Variants in KCNJ5 observed in about 807,000 individuals in gnomAD.
The protein encoded by KCNJ5 is G protein-activated inward rectifier potassium channel 4.
KCNJ5 carries 12 observed loss-of-function variants against 20.2 expected under a neutral mutation model. The observed-to-expected ratio is 0.59, with a 90% CI of 0.38 to 0.96. The LOEUF is 0.96. KCNJ5 is among the 40% of genes least tolerant of loss of function. The pLI is 0.00. For missense variants in KCNJ5, 449 were observed against 557.6 expected (o/e 0.81, Z 1.96); for synonymous variants, 210 against 213.9 (o/e 0.98, Z 0.16).
chr11:128,911,203 A>G lies in KCNJ5; in HGVS notation c.-10-61A>G. ...AGCCCCGGGGTGGGGGTGGCCTTCCATCTTGTGTTCTAGTGAATCAGAACA... is the reference window on the plus strand; with the variant it reads ...AGCCCCGGGGTGGGGGTGGCCTTCCGTCTTGTGTTCTAGTGAATCAGAACA... On this transcript the variant is annotated intron_variant, in intron 1 of 2. Coordinates refer to ENST00000529694, the MANE Select transcript of KCNJ5 (RefSeq NM_000890.5). This position sits in a 1 kb window ranked among gnomAD's most constrained non-coding sequence, Gnocchi z 6.3. The G allele has an allele frequency of 3.5e-6, 5 of 1,414,370 alleles. No individual in the cohort carries two copies. The highest frequency in any genetic ancestry group is 2.3e-5 in the East Asian group (1 of 43,404). The allele number at this position is 1,414,370 out of a possible 1,614,324, so 87.6% of individuals were successfully genotyped here.
At chr11:128,896,116 T>C (rs1193285124) in intron 1 of KCNJ5, among the ~76,000 whole-genome samples, 14 of 152,198 alleles carry the variant, frequency 9.2e-5, no homozygotes. Flanking sequence ...TTCCCCTCCA[T>C]TTTTGTCTTT....
intron 1 of KCNJ5, among the ~76,000 whole-genome samples, chr11:128,892,902 G>C (rs1850561748): frequency 6.6e-6 from 1 of 152,194 alleles, no homozygotes; most frequent in South Asian, 2.1e-4. Flanking sequence ...ATGAGAGTAA[G>C]GGTAACAGAA....
chr11:128,893,111 C>T (rs538878281), intron 1 of KCNJ5, among the ~76,000 whole-genome samples: 81 of 152,288 alleles, frequency 5.3e-4, no homozygotes, highest in Admixed American at 5.0e-3. Context: ...ATCTGAGGAA[C>T]GAACAGGGCA....
At chr11:128,898,175 T>C (rs1175137121) in intron 1 of KCNJ5, among the ~76,000 whole-genome samples, 7 of 152,254 alleles carry the variant, frequency 4.6e-5, no homozygotes, top group African/African-American at 1.4e-4. Context: ...AATAATTTTA[T>C]CTATATCTAT....
At chr11:128,898,597 A>T (rs1944213149) in intron 1 of KCNJ5, among the ~76,000 whole-genome samples, 1 of 152,294 alleles carries the variant, frequency 6.6e-6, no homozygotes, top group Admixed American at 6.5e-5. Context: ...ACATCCACTT[A>T]CACTTCACTT....
intron 2 of KCNJ5, 101 bp downstream of exon 2, chr11:128,912,311 G>A: frequency 2.1e-6 from 2 of 950,014 alleles, no homozygotes; most frequent in Admixed American, 3.4e-5. Context: ...TGAGAGTCCT[G>A]GGGTGGCGCA....
Position 128,912,442 on chromosome 11 carries a change from C to T in KCNJ5, c.937+232C>T, listed in dbSNP as rs188341229. On this transcript the variant is annotated intron_variant, in intron 2 of 2. Coordinates refer to ENST00000529694, the MANE Select transcript of KCNJ5 (RefSeq NM_000890.5). ...TTCAGGCACTGTCCTAAACAATAAA[C>T]ATCTATCATCTGGCCAAATGTCCTC... Among the ~76,000 whole-genome samples, 292 of 152,340 alleles carry T rather than the reference C, an allele frequency of 1.9e-3. 1 individual carries two copies. Among genetic ancestry groups the T allele is most frequent in the African/African-American group, 6.7e-3 (279 of 41,590 alleles).
rs1944591718 is a variant in KCNJ5, at chr11:128,916,809, G to A, written c.*78G>A. ...CTGCAGAGCCTGGGAGCAGGGGAGG[G>A]GAATAGTTGAGTGTGCTGTTTGGGG... On this transcript the variant is annotated 3_prime_UTR_variant, in exon 3 of 3. Coordinates refer to ENST00000529694, the MANE Select transcript of KCNJ5 (RefSeq NM_000890.5). 1.7e-6 allele frequency: 2 copies of A among 1,155,198 alleles called. No individual in the cohort carries two copies. Among genetic ancestry groups the A allele is most frequent in the Admixed American group, 2.6e-5 (1 of 39,072 alleles). 71.6% of individuals were successfully genotyped at this position (1,155,198 alleles called of 1,614,324 possible).
At position 128,920,886 on chromosome 11, in the gene KCNJ5, T is replaced by C; in HGVS notation, c.*4155T>C. ...CATGCTGTGCCACGGAGCCCCGGCT[T>C]CCATCCATGATGTGCCCCTGTGGCG... is the stretch of plus-strand genomic sequence containing the variant. On this transcript the variant is annotated 3_prime_UTR_variant, in exon 3 of 3. Transcript: ENST00000529694. 6.6e-6 allele frequency: 1 copy of C among 152,288 alleles called. No individual in the cohort carries two copies. Among genetic ancestry groups the C allele is most frequent in the East Asian group, 1.9e-4 (1 of 5,202 alleles). The allele number at this position is 152,288 out of a possible 1,614,324, so 9.4% of individuals were successfully genotyped here. A position where few individuals can be genotyped will look rare whatever the true frequency, so the allele number is the denominator to read the frequency against.
chr11:128,900,415 C>A (rs1944255695), intron 1 of KCNJ5: 1 of 152,236 alleles, frequency 6.6e-6, no homozygotes, highest in African/African-American at 2.4e-5. Flanking sequence ...GTACGTGTTT[C>A]TCTCCAGATA....
chr11:128,915,494 G>C (rs563822216), intron 2 of KCNJ5, among the ~76,000 whole-genome samples: 1 of 152,150 alleles, frequency 6.6e-6, no homozygotes, highest in African/African-American at 2.4e-5. Flanking sequence ...ATTTATCTTT[G>C]CCCTTTCCTG....
intron 1 of KCNJ5, among the ~76,000 whole-genome samples, chr11:128,894,490 C>G (rs1944141491): frequency 6.6e-6 from 1 of 152,146 alleles, no homozygotes; most frequent in Admixed American, 6.5e-5. Context: ...GGCAGTGTTT[C>G]CAAGTGCGGA....
At chr11:128,912,673 G>A (rs1386957351) in intron 2 of KCNJ5, among the ~76,000 whole-genome samples, 1 of 152,068 alleles carries the variant, frequency 6.6e-6, no homozygotes, top group Non-Finnish European at 1.5e-5. Flanking sequence ...ACTGCGCCTG[G>A]CTAATTTTTG....
At chr11:128,894,701 G>T (rs1334979121) in intron 1 of KCNJ5, among the ~76,000 whole-genome samples, 2 of 152,246 alleles carry the variant, frequency 1.3e-5, no homozygotes, top group Non-Finnish European at 2.9e-5. Flanking sequence ...TTTTAAAACA[G>T]AGTGGACAGC....
intron 1 of KCNJ5, chr11:128,902,608 G>A: frequency 6.2e-7 from 1 of 1,613,626 alleles, no homozygotes; most frequent in Non-Finnish European, 8.5e-7. Context: ...GGTAGCCCAG[G>A]CGGCCCTCTC....
chr11:128,907,878 C>T (rs1356105283), intron 1 of KCNJ5, among the ~76,000 whole-genome samples: 1 of 152,220 alleles, frequency 6.6e-6, no homozygotes, highest in African/African-American at 2.4e-5. Context: ...GCTCCTAGCA[C>T]AGGGGTTTGG....
chr11:128,906,248 T>C (rs1944413771), intron 1 of KCNJ5, among the ~76,000 whole-genome samples: 1 of 152,232 alleles, frequency 6.6e-6, no homozygotes, highest in Non-Finnish European at 1.5e-5. Context: ...TTTCCAAATG[T>C]GCCTCAGCTC....
rs535081364 is a variant in KCNJ5, at chr11:128,902,392, C to A, written c.-10-8872C>A. On this transcript the variant is annotated intron_variant, in intron 1 of 2. Transcript: ENST00000529694. ...TACTGTTGGTGAACTGGAGGACTAT[C>A]GCACTGCCCAAGACACTGTTCTCTG... 43 of 830,080 alleles carry A rather than the reference C, an allele frequency of 5.2e-5. No individual in the cohort carries two copies. In the African/African-American group the frequency reaches 6.3e-4, roughly 12 times the overall value. 51.4% of individuals were successfully genotyped at this position (830,080 alleles called of 1,614,324 possible).
chr11:128,891,423 C>CAGAGAG lies in KCNJ5; in HGVS notation c.-308_-307insGAGAGA, dbSNP rs1565540357. On this transcript the variant is annotated 5_prime_UTR_variant, in exon 1 of 3. Transcript: ENST00000529694. ...ACACACACACACACACACACACACA[C>CAGAGAG]ACACACACACACACACACAGAGAGA... The CAGAGAG allele has an allele frequency of 1.7e-4, 18 of 108,602 alleles. No homozygotes were observed. Among genetic ancestry groups the CAGAGAG allele is most frequent in the African/African-American group, 6.8e-4 (17 of 24,906 alleles). 6.7% of individuals were successfully genotyped at this position (108,602 alleles called of 1,614,324 possible).
Sources: allele counts gnomAD v4.1 joint callset (sites outside exome capture counted in the v4.1 genomes callset), GRCh38; gene constraint gnomAD v4.1.1; non-coding constraint Gnocchi (gnomAD v3.1); transcripts MANE v1.5; gene names NCBI Gene and HGNC (gene_info 2026-07-23, HGNC 2026-07-21).